The following PCDHGA6 variants were observed in gnomAD, a reference collection of about 807,000 sequenced individuals.
The protein encoded by PCDHGA6 is protocadherin gamma-A6.
PCDHGA6 carries 41 observed loss-of-function variants against 60.6 expected under a neutral mutation model. The ratio of observed to expected loss-of-function variants is 0.68; its 90% CI spans 0.53 to 0.88. The LOEUF (loss-of-function observed/expected upper bound fraction) is 0.88. Among genes scored for constraint, PCDHGA6 ranks in the 40% least tolerant of loss-of-function variants. PCDHGA6 has a pLI of 0.00. For missense variants in PCDHGA6, 1,312 were observed against 1,203.0 expected (o/e 1.09, Z -1.34); for synonymous variants, 594 against 524.4 (o/e 1.13, Z -1.81).
rs761149166 is a variant in PCDHGA6 at position 141,510,977 on chromosome 5, G to C, written c.2603G>C (p.Gly868Ala). Residue 868 changes from glycine to alanine, a missense_variant, in exon 4 of 4, where the codon GGG (glycine) becomes GCG (alanine). Coordinates refer to ENST00000517434, the MANE Select transcript of PCDHGA6 (RefSeq NM_018919.3). Reference protein sequence around the residue: ...EAADGSSTLGGGAGTMGLSAR... With the variant: ...EAADGSSTLGAGAGTMGLSAR... ...GCTGATGGGAGCTCCACCCTGGGAG[G>C]GGGTGCCGGCACCATGGGATTGAGC... 9 of 1,614,052 alleles carry C rather than the reference G, an allele frequency of 5.6e-6. No individual in the cohort carries two copies. The Admixed American group carries it at 1.3e-4, about 24-fold the overall frequency.
At chr5:141,473,010 AAAAG>A (rs1014377988) in intron 1 of PCDHGA6, among the ~76,000 whole-genome samples, 22 of 151,958 alleles carry the variant, frequency 1.4e-4, no homozygotes, top group Admixed American at 7.9e-4. Context: ...AAGAAAAAGA[AAAAG>A]AAAGAAGGAA....
chr5:141,507,851 C>T (rs570052933), intron 3 of PCDHGA6, among the ~76,000 whole-genome samples: 48 of 152,322 alleles, frequency 3.2e-4, no homozygotes, highest in African/African-American at 1.1e-3. Context: ...CCTGCTCTCA[C>T]TTTCACACCC....
intron 2 of PCDHGA6, among the ~76,000 whole-genome samples, chr5:141,499,940 G>A (rs1158937971): frequency 4.0e-5 from 6 of 151,722 alleles, no homozygotes; most frequent in Non-Finnish European, 8.8e-5. Flanking sequence ...CACCCTCCTC[G>A]GCCTCCCAAA....
Position 141,485,932 on chromosome 5 carries a change from G to A in PCDHGA6, c.2425-8875G>A. ...CCAGCTACAGGATTAGTGTGTTGGA[G>A]AGCGCACCAGCGGGCATGGTGCTCA... On this transcript the variant is annotated intron_variant, in intron 1 of 3. Transcript: ENST00000517434. The surrounding 1 kb of genome is among the most constrained non-coding windows in gnomAD (Gnocchi z 5.7). The A allele has an allele frequency of 6.2e-7, 1 of 1,614,184 alleles. No homozygotes were observed. The highest frequency in any genetic ancestry group is 8.5e-7 in the Non-Finnish European group (1 of 1,180,042).
At chr5:141,384,494 T>C in intron 1 of PCDHGA6, 1 of 1,613,972 alleles carries the variant, frequency 6.2e-7, no homozygotes, top group African/African-American at 1.3e-5. Flanking sequence ...CAACTAAGAG[T>C]GACTGCACAT....
chr5:141,379,723 G>A (rs1250250274), intron 1 of PCDHGA6: 1 of 152,038 alleles, frequency 6.6e-6, no homozygotes, highest in Non-Finnish European at 1.5e-5. Context: ...CATGGAATTT[G>A]CTAAGTTATG....
intron 1 of PCDHGA6, chr5:141,383,176 G>A: frequency 6.2e-7 from 1 of 1,614,122 alleles, no homozygotes; most frequent in Non-Finnish European, 8.5e-7. Flanking sequence ...GATAGACCGG[G>A]AAGAGATCTG....
chr5:141,412,459 A>C (rs1267719740), intron 1 of PCDHGA6: 1 of 152,232 alleles, frequency 6.6e-6, no homozygotes, highest in Non-Finnish European at 1.5e-5. Flanking sequence ...AAACTATTCT[A>C]GAAGAGTACT....
rs773942024 is a variant in PCDHGA6, at chr5:141,433,234, C to G, written c.2424+56727C>G. 3.3e-6 allele frequency: 5 copies of G among 1,512,860 alleles called. No homozygotes were observed. In the South Asian group the frequency reaches 5.0e-5, roughly 15 times the overall value. The allele number at this position is 1,512,860 out of a possible 1,614,324, so 93.7% of individuals were successfully genotyped here. A position where few individuals can be genotyped will look rare whatever the true frequency, so the allele number is the denominator to read the frequency against. On this transcript the variant is annotated intron_variant, in intron 1 of 3. Coordinates refer to ENST00000517434, the MANE Select transcript of PCDHGA6 (RefSeq NM_018919.3). ...TTTTTTTTTTTTAATTGCTCTGTCT[C>G]CCAAGCTGGAATGCAGCGGTACGAT...
At chr5:141,444,255 T>G (rs764607115) in intron 1 of PCDHGA6, among the ~76,000 whole-genome samples, 8 of 130,834 alleles carry the variant, frequency 6.1e-5, no homozygotes, top group Non-Finnish European at 1.2e-4. Context: ...CACTGCAACC[T>G]CCGCCTCCCA....
At chr5:141,468,758 C>G (rs929005462) in intron 1 of PCDHGA6, among the ~76,000 whole-genome samples, 1 of 151,802 alleles carries the variant, frequency 6.6e-6, no homozygotes, top group Admixed American at 6.6e-5. Context: ...CCCAGCTACT[C>G]GGGAGGCTGA....
intron 1 of PCDHGA6, chr5:141,408,855 G>A: frequency 6.2e-7 from 1 of 1,613,572 alleles, no homozygotes; most frequent in Non-Finnish European, 8.5e-7. Flanking sequence ...TTGGACGGAG[G>A]GGACCCACCA....
At chr5:141,469,929 G>C (rs1208858245) in intron 1 of PCDHGA6, among the ~76,000 whole-genome samples, 1 of 152,168 alleles carries the variant, frequency 6.6e-6, no homozygotes, top group Non-Finnish European at 1.5e-5. Context: ...TCAGGAGTTT[G>C]AGACCAGCCT....
chr5:141,485,895 C>G lies in PCDHGA6; in HGVS notation c.2425-8912C>G, dbSNP rs1243568042. On this transcript the variant is annotated intron_variant, in intron 1 of 3. Coordinates refer to ENST00000517434, the MANE Select transcript of PCDHGA6 (RefSeq NM_018919.3). This position sits in a 1 kb window ranked among gnomAD's most constrained non-coding sequence, Gnocchi z 5.7. Reference sequence around the variant, plus strand: ...CTGGACGTAAACGACAACGCCCCAGCCTTCCAGCAATCCAGCTACAGGATT... The same window carrying G: ...CTGGACGTAAACGACAACGCCCCAGGCTTCCAGCAATCCAGCTACAGGATT... 3 of 1,614,136 alleles carry G rather than the reference C, an allele frequency of 1.9e-6. No individual in the cohort carries two copies. The highest frequency in any genetic ancestry group is 2.5e-6 in the Non-Finnish European group (3 of 1,180,036).
intron 1 of PCDHGA6, among the ~76,000 whole-genome samples, chr5:141,436,531 G>A (rs1365651055): frequency 2.6e-5 from 4 of 152,152 alleles, no homozygotes; most frequent in South Asian, 2.1e-4. Flanking sequence ...CCTTTAGCAA[G>A]TTATTTAATC....
chr5:141,383,687 C>G, intron 1 of PCDHGA6: 3 of 1,613,968 alleles, frequency 1.9e-6, no homozygotes, highest in Non-Finnish European at 2.5e-6. Flanking sequence ...AGACTGCTCA[C>G]GGTACATGCT....
intron 1 of PCDHGA6, chr5:141,382,959 G>T: frequency 6.2e-7 from 1 of 1,607,442 alleles, no homozygotes; most frequent in Non-Finnish European, 8.5e-7. Flanking sequence ...CCATCCTCCT[G>T]GGGACCCCCT....
At chr5:141,447,136 TTTTTTG>T (rs1304915683) in intron 1 of PCDHGA6, among the ~76,000 whole-genome samples, 4 of 152,090 alleles carry the variant, frequency 2.6e-5, no homozygotes, top group Admixed American at 6.6e-5. Context: ...TGTTTGTTTG[TTTTTTG>T]TTTTTGTTTT....
rs1248104988 is a variant in PCDHGA6, at chr5:141,409,585, G to A, written c.2424+33078G>A. 3.1e-6 allele frequency: 5 copies of A among 1,613,912 alleles called. No individual in the cohort carries two copies. The Admixed American group carries it at 5.0e-5, about 16-fold the overall frequency. ...ACCAGACGTCCTACGTGGTCCACGT[G>A]GCCGAGAACAACCCGCCAGGAGCCT... On this transcript the variant is annotated intron_variant, in intron 1 of 3. Coordinates refer to ENST00000517434, the MANE Select transcript of PCDHGA6 (RefSeq NM_018919.3).
Sources: allele counts gnomAD v4.1 joint callset (sites outside exome capture counted in the v4.1 genomes callset), GRCh38; gene constraint gnomAD v4.1.1; non-coding constraint Gnocchi (gnomAD v3.1); transcripts MANE v1.5; gene names NCBI Gene and HGNC (gene_info 2026-07-23, HGNC 2026-07-21).